Variants in CHD1L observed in about 807,000 individuals in gnomAD.
The protein encoded by CHD1L is chromodomain helicase DNA binding protein 1 like.
CHD1L carries 118 observed loss-of-function variants against 115.9 expected under a neutral mutation model. The observed-to-expected ratio is 1.02, with a 90% confidence interval of 0.88 to 1.19. The LOEUF (loss-of-function observed/expected upper bound fraction) is 1.19. Ranked by LOEUF, CHD1L falls within the 50% of genes most tolerant of loss-of-function variation. The pLI is 0.00. For synonymous variants in CHD1L, 411 were observed against 387.1 expected (o/e 1.06, Z -0.72); for missense variants, 1,179 against 1,065.3 (o/e 1.11, Z -1.49).
At chr1:147,224,888 T>C in the CHD1L span, 22 of 1,613,506 alleles carry the variant, frequency 1.4e-5, no homozygotes, top group African/African-American at 2.4e-4. Flanking sequence ...CTAGGAGATG[T>C]ATGTACCTGG....
intron 12 of CHD1L, among the ~76,000 whole-genome samples, chr1:147,273,118 G>T (rs1443802749): frequency 2.0e-5 from 3 of 152,110 alleles, no homozygotes; most frequent in African/African-American, 7.2e-5. Flanking sequence ...CAGGAGAACC[G>T]CTGGAATCCA....
At chr1:147,194,281 A>T in the CHD1L span, among the ~76,000 whole-genome samples, 658 of 152,018 alleles carry the variant, frequency 4.3e-3, 5 homozygotes, top group Non-Finnish European at 7.7e-3. Flanking sequence ...TTGTCTCTTT[A>T]GATCTTTGCT....
chr1:147,194,262 T>C, the CHD1L span, among the ~76,000 whole-genome samples: 1 of 152,186 alleles, frequency 6.6e-6, no homozygotes, highest in Non-Finnish European at 1.5e-5. Context: ...CATTATTTAA[T>C]GGCCTTCTTT....
chr1:147,288,342 A>AAAG (rs1473776152), intron 19 of CHD1L, among the ~76,000 whole-genome samples: 10 of 2,616 alleles, frequency 3.8e-3, no homozygotes, highest in Admixed American at 8.9e-3. Flanking sequence ...AAAAAAAAAA[A>AAAG]AAAAGAAAAA....
At chr1:147,173,773 G>C in the CHD1L span, among the ~76,000 whole-genome samples, 2 of 152,184 alleles carry the variant, frequency 1.3e-5, no homozygotes, top group African/African-American at 4.8e-5. Flanking sequence ...CCAGGGTTCT[G>C]AATCTGCATT....
At chr1:147,242,863 G>A (rs782406999) in intron 1 of CHD1L, 33 bp downstream of exon 1, 8 of 1,263,140 alleles carry the variant, frequency 6.3e-6, no homozygotes, top group African/African-American at 3.1e-5. Context: ...TCGGCCAGGC[G>A]GGCCAACCTA....
intron 19 of CHD1L, among the ~76,000 whole-genome samples, chr1:147,289,204 G>A (rs587669580): frequency 1.3e-5 from 2 of 151,106 alleles, no homozygotes; most frequent in East Asian, 3.9e-4. Flanking sequence ...GCAGATTGAG[G>A]AGTCCCTGTT....
chr1:147,290,599 G>C (rs1553969530), intron 19 of CHD1L, among the ~76,000 whole-genome samples: 1 of 152,088 alleles, frequency 6.6e-6, no homozygotes, highest in Non-Finnish European at 1.5e-5. Flanking sequence ...CTTGTTATCA[G>C]ACGTTTATGC....
chr1:147,202,312 CTTTTT>C, the CHD1L span, among the ~76,000 whole-genome samples: 1 of 77,448 alleles, frequency 1.3e-5, no homozygotes, highest in Non-Finnish European at 2.5e-5. Flanking sequence ...AAAAGCAGTT[CTTTTT>C]TTTTTTTTTT....
chr1:147,271,040 C>T, intron 11 of CHD1L, 35 bp downstream of exon 11: 1 of 1,537,016 alleles, frequency 6.5e-7, no homozygotes, highest in Non-Finnish European at 9.0e-7. Context: ...ACCTAAGGCT[C>T]TGTTAGACTT....
intron 19 of CHD1L, among the ~76,000 whole-genome samples, chr1:147,291,121 A>T (rs1685364613): frequency 6.6e-6 from 1 of 152,218 alleles, no homozygotes. Flanking sequence ...GATAAAGTAG[A>T]ATGTAATAAT....
the CHD1L span, among the ~76,000 whole-genome samples, chr1:147,200,439 C>T: frequency 6.6e-6 from 1 of 152,160 alleles, no homozygotes; most frequent in Non-Finnish European, 1.5e-5. Context: ...CGCACTCCAG[C>T]TTCACTTTTA....
chr1:147,275,565 G>A (rs1678076655), intron 13 of CHD1L, 97 bp downstream of exon 13: 1 of 914,906 alleles, frequency 1.1e-6, no homozygotes, highest in South Asian at 1.5e-5. Context: ...CCCACACTGG[G>A]AGCTGAGAGA....
chr1:147,272,111 T>A (rs782669543), intron 11 of CHD1L, 60 bp from the exon 12 acceptor site: 7 of 1,441,458 alleles, frequency 4.9e-6, no homozygotes, highest in Non-Finnish European at 6.7e-6. Flanking sequence ...CTTAATTTTT[T>A]ATTCCCCAAA....
chr1:147,195,443 T>C, the CHD1L span, among the ~76,000 whole-genome samples: 1 of 152,112 alleles, frequency 6.6e-6, no homozygotes, highest in Non-Finnish European at 1.5e-5. Context: ...AAAATAAATC[T>C]TAATCACATT....
the CHD1L span, among the ~76,000 whole-genome samples, chr1:147,190,500 C>T: frequency 2.6e-5 from 4 of 152,050 alleles, no homozygotes; most frequent in Non-Finnish European, 4.4e-5. Flanking sequence ...ATACCTGCCT[C>T]CTCCCTAATG....
the CHD1L span, among the ~76,000 whole-genome samples, chr1:147,220,959 A>AAG: frequency 6.6e-6 from 1 of 151,742 alleles, no homozygotes; most frequent in Admixed American, 6.6e-5. Flanking sequence ...AAAAAAAAAA[A>AAG]CAGTGGGTAT....
At chr1:147,295,292 G>C in intron 22 of CHD1L, 139 bp from the exon 23 acceptor site, 6 of 657,670 alleles carry the variant, frequency 9.1e-6, no homozygotes, top group Non-Finnish European at 1.6e-5. Flanking sequence ...TACTAATATT[G>C]AAAGTGTTTA....
At chr1:147,207,729 A>G in the CHD1L span, among the ~76,000 whole-genome samples, 3 of 152,182 alleles carry the variant, frequency 2.0e-5, no homozygotes, top group African/African-American at 7.2e-5. Context: ...TGGTTCCGGG[A>G]ATACCTCTGA....
Sources: allele counts gnomAD v4.1 joint callset (sites outside exome capture counted in the v4.1 genomes callset), GRCh38; gene constraint gnomAD v4.1.1; transcripts MANE v1.5; gene names NCBI Gene and HGNC (gene_info 2026-07-23, HGNC 2026-07-21).